The following GIPC2 variants were observed in gnomAD, a reference collection of about 807,000 sequenced individuals.
GIPC2 encodes the protein PDZ domain-containing protein GIPC2.
A neutral mutation model predicts 30.6 loss-of-function variants in GIPC2; 30 were observed. The observed-to-expected ratio is 0.98, with a 90% CI of 0.73 to 1.33. The LOEUF (loss-of-function observed/expected upper bound fraction) is 1.33, where lower values mean the gene tolerates loss of function less well. Ranked by LOEUF, GIPC2 falls within the 40% of genes most tolerant of loss-of-function variation. GIPC2 has a pLI of 0.00. For missense variants in GIPC2, 414 were observed against 390.3 expected, an observed-to-expected ratio of 1.06 and a Z score of -0.51; for synonymous variants, 167 against 150.0, an observed-to-expected ratio of 1.11 and a Z score of -0.83.
chr1:78,060,197 A>G (rs1661366847), intron 1 of GIPC2, among the ~76,000 whole-genome samples: 1 of 149,276 alleles, frequency 6.7e-6, no homozygotes, highest in Non-Finnish European at 1.5e-5. Flanking sequence ...TTTTTTTTTG[A>G]GACCCACAGT....
intron 5 of GIPC2, among the ~76,000 whole-genome samples, chr1:78,131,685 T>C (rs902292665): frequency 2.0e-5 from 3 of 152,248 alleles, no homozygotes; most frequent in Non-Finnish European, 2.9e-5. Flanking sequence ...TCAAAAAGGA[T>C]GAATTTTACC....
chr1:78,117,873 A>C (rs1214110289), intron 3 of GIPC2, among the ~76,000 whole-genome samples: 3 of 152,300 alleles, frequency 2.0e-5, no homozygotes, highest in Admixed American at 1.3e-4. Flanking sequence ...CAAACTTAAA[A>C]AATTTAAAAA....
intron 5 of GIPC2, among the ~76,000 whole-genome samples, chr1:78,127,152 T>G (rs1317134679): frequency 1.3e-5 from 2 of 152,254 alleles, no homozygotes; most frequent in African/African-American, 4.8e-5. Context: ...ACTATTTTGT[T>G]TATCTGCTAC....
At chr1:78,061,096 T>C (rs1661384018) in intron 1 of GIPC2, among the ~76,000 whole-genome samples, 1 of 152,158 alleles carries the variant, frequency 6.6e-6, no homozygotes, top group African/African-American at 2.4e-5. Context: ...TAATGGTGAT[T>C]AGACAAATTT....
Position 78,133,079 on chromosome 1 carries a change from GT to G in GIPC2, c.797-2512del, listed in dbSNP as rs1662930209. 4.6e-5 allele frequency among the ~76,000 whole-genome samples: 7 copies of G among 152,278 alleles called. No individual in the cohort carries two copies. In the South Asian group the frequency reaches 1.5e-3, roughly 32 times the overall value. ...AGAGTTCTGGACTTCACTTTCCCCAGTGCATGCTAACTGTGCCTGTGCAAAA... is the reference window on the plus strand; with the variant it reads ...AGAGTTCTGGACTTCACTTTCCCCAGGCATGCTAACTGTGCCTGTGCAAAA... On this transcript the variant is annotated intron_variant, in intron 5 of 5. Transcript: ENST00000370759.
intron 3 of GIPC2, among the ~76,000 whole-genome samples, chr1:78,105,549 G>A (rs1662334123): frequency 6.6e-6 from 1 of 152,110 alleles, no homozygotes; most frequent in Non-Finnish European, 1.5e-5. Flanking sequence ...GCCTCCCAAA[G>A]TGCTGGGATT....
At chr1:78,083,699 A>G (rs1219397913) in intron 2 of GIPC2, among the ~76,000 whole-genome samples, 1 of 152,124 alleles carries the variant, frequency 6.6e-6, no homozygotes, top group Admixed American at 6.5e-5. Flanking sequence ...TATTGTCAAC[A>G]TGGGTACATG....
chr1:78,056,240 G>C (rs901624097), intron 1 of GIPC2, among the ~76,000 whole-genome samples: 6 of 152,200 alleles, frequency 3.9e-5, no homozygotes, highest in Non-Finnish European at 7.3e-5. Context: ...AGTTTGGGAG[G>C]CTGAGGCAGG....
At position 78,091,931 on chromosome 1, in the gene GIPC2, G is replaced by C. The variant is rs532781390; in HGVS notation, c.427-3021G>C. 5 of 883,610 alleles carry C rather than the reference G, an allele frequency of 5.7e-6. No homozygotes were observed. In the African/African-American group the frequency reaches 6.6e-5, roughly 12 times the overall value. The allele number at this position is 883,610 out of a possible 1,614,324, so 54.7% of individuals were successfully genotyped here. On this transcript the variant is annotated intron_variant, in intron 2 of 5. Coordinates refer to ENST00000370759, the MANE Select transcript of GIPC2 (RefSeq NM_017655.6). ...TTCCATTTTCTATTAACAACACTCT[G>C]TTCCTGTTCTTGGTCATTTTTGCTT...
rs369693890 is a variant in GIPC2, at chr1:78,101,647, CT to C, written c.607+6516del. On this transcript the variant is annotated intron_variant, in intron 3 of 5. Coordinates refer to ENST00000370759, the MANE Select transcript of GIPC2 (RefSeq NM_017655.6). ...TTTCCCATACTTAACATGGTTCCCCCTGGTCAGCTGGTTACTGATTCAAATT... is the reference window on the plus strand; with the variant it reads ...TTTCCCATACTTAACATGGTTCCCCCGGTCAGCTGGTTACTGATTCAAATT... Among the ~76,000 whole-genome samples the C allele has an allele frequency of 2.1e-3, 313 of 152,306 alleles. 4 individuals are homozygous for C. Among genetic ancestry groups the C allele is most frequent in the African/African-American group, 6.8e-3 (281 of 41,564 alleles).
At chr1:78,133,740 GA>G (rs528272157) in intron 5 of GIPC2, among the ~76,000 whole-genome samples, 1,818 of 139,856 alleles carry the variant, frequency 0.013, 29 homozygotes, top group African/African-American at 0.044. Flanking sequence ...GTTACACAAG[GA>G]AAAAAAAATT....
intron 2 of GIPC2, among the ~76,000 whole-genome samples, chr1:78,081,788 C>A (rs17101224): frequency 0.034 from 5,106 of 152,236 alleles, 186 homozygotes; most frequent in African/African-American, 0.099. Context: ...AGGCACTTTG[C>A]ATACAATTTC....
At chr1:78,116,689 C>T (rs1053381313) in intron 3 of GIPC2, among the ~76,000 whole-genome samples, 39 of 152,174 alleles carry the variant, frequency 2.6e-4, no homozygotes, top group Admixed American at 7.9e-4. Flanking sequence ...ATGAACTCAT[C>T]AGTTTTTATG....
At chr1:78,101,651 T>G (rs1174905249) in intron 3 of GIPC2, among the ~76,000 whole-genome samples, 1 of 152,202 alleles carries the variant, frequency 6.6e-6, no homozygotes, top group Non-Finnish European at 1.5e-5. Flanking sequence ...TTCCCCCTGG[T>G]CAGCTGGTTA....
intron 3 of GIPC2, among the ~76,000 whole-genome samples, chr1:78,102,571 G>A (rs750097692): frequency 1.3e-5 from 2 of 152,204 alleles, no homozygotes; most frequent in Non-Finnish European, 2.9e-5. Flanking sequence ...ATAAATTTCA[G>A]TAGTTAAGTG....
intron 5 of GIPC2, among the ~76,000 whole-genome samples, chr1:78,128,249 C>T (rs548961591): frequency 1.3e-5 from 2 of 152,176 alleles, no homozygotes; most frequent in East Asian, 3.9e-4. Context: ...CTAAGCTGGT[C>T]CTGAACTCCT....
intron 2 of GIPC2, among the ~76,000 whole-genome samples, chr1:78,082,092 C>T (rs1438794216): frequency 6.6e-6 from 1 of 152,122 alleles, no homozygotes; most frequent in East Asian, 1.9e-4. Flanking sequence ...GCTTCTTTTG[C>T]TCAAAAAGAT....
intron 1 of GIPC2, among the ~76,000 whole-genome samples, chr1:78,062,008 T>C (rs1661403465): frequency 6.6e-6 from 1 of 152,200 alleles, no homozygotes; most frequent in African/African-American, 2.4e-5. Context: ...GTGTATTTGC[T>C]ATGTGTATAA....
At position 78,135,667 on chromosome 1, in the gene GIPC2, G is replaced by C; in HGVS notation, c.872G>C (p.Gly291Ala). ...GCTGTGGCACTTGACGAAACTCTTG[G>C]AGACTTTGCGTTCCCAGACGAATTT... The part of the protein sequence containing the change: ...EFAVALDETL[G>A]DFAFPDEFVF... Residue 291 changes from glycine (G) to alanine (A), a missense_variant, in exon 6 of 6, where the codon GGA (glycine) becomes GCA (alanine). Transcript: ENST00000370759. 6.2e-7 allele frequency: 1 copy of C among 1,612,648 alleles called. No homozygotes were observed. The highest frequency in any genetic ancestry group is 8.5e-7 in the Non-Finnish European group (1 of 1,178,976).
Sources: allele counts gnomAD v4.1 joint callset (sites outside exome capture counted in the v4.1 genomes callset), GRCh38; gene constraint gnomAD v4.1.1; transcripts MANE v1.5; gene names NCBI Gene and HGNC (gene_info 2026-07-23, HGNC 2026-07-21).